The following DRAM1 variants were observed in gnomAD, a reference collection of about 807,000 sequenced individuals.
The protein encoded by DRAM1 is DNA damage-regulated autophagy modulator protein 1.
DRAM1 carries 25 observed loss-of-function variants against 28.5 expected under a neutral mutation model. The ratio of observed to expected loss-of-function variants is 0.88; its 90% CI spans 0.64 to 1.23. DRAM1 has a LOEUF of 1.23. Among genes scored for constraint, DRAM1 ranks in the 50% most tolerant of loss-of-function variants. The pLI is 0.00. For synonymous variants in DRAM1, 113 were observed against 114.2 expected, an observed-to-expected ratio of 0.99 and a Z score of 0.07; for missense variants, 249 against 299.2, an observed-to-expected ratio of 0.83 and a Z score of 1.24.
intron 1 of DRAM1, among the ~76,000 whole-genome samples, chr12:101,896,522 C>T (rs1007409735): frequency 2.6e-5 from 4 of 151,928 alleles, no homozygotes; most frequent in Admixed American, 6.6e-5. Context: ...CCAGCACTTT[C>T]GGAGGTTGAG....
intron 4 of DRAM1, among the ~76,000 whole-genome samples, chr12:101,913,705 C>CA (rs60536139): frequency 0.047 from 2,047 of 43,430 alleles, 7 homozygotes; most frequent in Non-Finnish European, 0.076. Context: ...GAGTACGTCT[C>CA]AAAAAAAAAA....
At chr12:101,884,004 A>T (rs6539014) in intron 1 of DRAM1, among the ~76,000 whole-genome samples, 2 of 151,458 alleles carry the variant, frequency 1.3e-5, no homozygotes, top group Non-Finnish European at 2.9e-5. Flanking sequence ...AACAAGTTAG[A>T]ATAGCATAAA....
In DRAM1 at chr12:101,899,958, A is replaced by G. The variant is rs541431363; in HGVS notation, c.200-1333A>G. ...TTTGCATATTTGTGTGAGTTTTTCTATAAGATAAATTTGCTGAGTTAAAGG... is the reference window on the plus strand; with the variant it reads ...TTTGCATATTTGTGTGAGTTTTTCTGTAAGATAAATTTGCTGAGTTAAAGG... On this transcript the variant is annotated intron_variant, in intron 2 of 6. Coordinates refer to ENST00000258534, the MANE Select transcript of DRAM1 (RefSeq NM_018370.3). Among the ~76,000 whole-genome samples the G allele has an allele frequency of 4.1e-4, 63 of 152,324 alleles. No individual in the cohort carries two copies. In the East Asian group the frequency reaches 0.011, roughly 27 times the overall value.
At chr12:101,909,741 A>C (rs1873970119) in intron 4 of DRAM1, among the ~76,000 whole-genome samples, 2 of 152,250 alleles carry the variant, frequency 1.3e-5, no homozygotes, top group African/African-American at 4.8e-5. Flanking sequence ...GCGTGCTTGT[A>C]GATTCTGATT....
At chr12:101,901,523 A>G in intron 3 of DRAM1, 90 bp downstream of exon 3, 1 of 1,425,000 alleles carries the variant, frequency 7.0e-7, no homozygotes, top group Non-Finnish European at 9.5e-7. Context: ...CACTTATGCC[A>G]TTATAGCCAT....
chr12:101,879,424 C>G (rs531504844), intron 1 of DRAM1, among the ~76,000 whole-genome samples: 2 of 152,148 alleles, frequency 1.3e-5, no homozygotes, highest in African/African-American at 2.4e-5. Flanking sequence ...TCTGGCCTTT[C>G]GGTTTTTTCC....
intron 1 of DRAM1, among the ~76,000 whole-genome samples, chr12:101,894,835 C>T (rs7975321): frequency 0.51 from 78,016 of 152,014 alleles, 20,527 homozygotes; most frequent in East Asian, 0.63. Context: ...TTCTTCCCAG[C>T]GCTTCTCCTC....
chr12:101,918,563 GC>G (rs1874344695), intron 5 of DRAM1, among the ~76,000 whole-genome samples: 1 of 152,216 alleles, frequency 6.6e-6, no homozygotes, highest in Non-Finnish European at 1.5e-5. Context: ...GGCTTGGTGT[GC>G]CTCCACTCGA....
At position 101,920,293 on chromosome 12, in the gene DRAM1, C is replaced by CTTTATTT. The variant is rs1874429934; in HGVS notation, c.672+95_672+96insATTTTTT. The CTTTATTT allele has an allele frequency of 4.6e-5, 12 of 262,328 alleles. No homozygotes were observed. The East Asian group carries it at 5.1e-4, about 11-fold the overall frequency. 16.3% of individuals were successfully genotyped at this position (262,328 alleles called of 1,614,324 possible). On this transcript the variant is annotated intron_variant, in intron 6 of 6. Coordinates refer to ENST00000258534, the MANE Select transcript of DRAM1 (RefSeq NM_018370.3). ...ACATTTTGCATTTTTAAAAAGAGCA[C>CTTTATTT]TTTCTTTTTTTTTTTTTTTTTTTGA...
chr12:101,914,163 A>C lies in DRAM1; in HGVS notation c.521-11A>C. ...TGTGCTGTAGTTTCCTTAACTGTTT[A>C]CTTCTTTCAGTGATTGTCTGTGCTT... On this transcript the variant is annotated splice_polypyrimidine_tract_variant and intron_variant, in intron 4 of 6. Coordinates refer to ENST00000258534, the MANE Select transcript of DRAM1 (RefSeq NM_018370.3). The C allele has an allele frequency of 6.3e-7, 1 of 1,598,182 alleles. No individual in the cohort carries two copies. Among genetic ancestry groups the C allele is most frequent in the Non-Finnish European group, 8.5e-7 (1 of 1,172,256 alleles).
chr12:101,902,418 A>T (rs973097502), intron 3 of DRAM1, among the ~76,000 whole-genome samples: 2 of 152,338 alleles, frequency 1.3e-5, no homozygotes, highest in Admixed American at 1.3e-4. Flanking sequence ...CTCAATGCTA[A>T]CATGAAGATA....
intron 4 of DRAM1, among the ~76,000 whole-genome samples, chr12:101,913,309 G>A (rs1161843568): frequency 6.6e-6 from 1 of 152,104 alleles, no homozygotes; most frequent in East Asian, 1.9e-4. Flanking sequence ...CCCAACAGAA[G>A]TCTGTTTTTT....
chr12:101,902,142 A>C (rs1356333230), intron 3 of DRAM1, among the ~76,000 whole-genome samples: 1 of 152,146 alleles, frequency 6.6e-6, no homozygotes, highest in Non-Finnish European at 1.5e-5. Context: ...ATTTCTTTAT[A>C]TTTTTATGAC....
At chr12:101,911,254 A>T (rs1028887536) in intron 4 of DRAM1, among the ~76,000 whole-genome samples, 2 of 152,170 alleles carry the variant, frequency 1.3e-5, no homozygotes, top group Non-Finnish European at 2.9e-5. Flanking sequence ...AGTTGAAAGC[A>T]TCTTTAAAAT....
intron 1 of DRAM1, among the ~76,000 whole-genome samples, chr12:101,893,917 T>TTC (rs1873241719): frequency 6.6e-6 from 1 of 150,630 alleles, no homozygotes; most frequent in Admixed American, 6.6e-5. Flanking sequence ...CCTGTATGTT[T>TTC]TTTTTTAAAA....
rs1370171138 is a variant in DRAM1 at position 101,921,237 on chromosome 12, A to G, written c.694A>G (p.Thr232Ala). 6.2e-7 allele frequency: 1 copy of G among 1,607,480 alleles called. No individual in the cohort carries two copies. Among genetic ancestry groups the G allele is most frequent in the Admixed American group, 1.7e-5 (1 of 60,002 alleles). Reference sequence around the variant, plus strand: ...ATAGAGTGTCACCCTAAGGATATCCACAGAAATCAATGGTGATATTTGAAG... The same window carrying G: ...ATAGAGTGTCACCCTAAGGATATCCGCAGAAATCAATGGTGATATTTGAAG... ...DFQSVTLRIS[T>A]EINGDI Residue 232 changes from threonine to alanine, a missense_variant, in exon 7 of 7, where the codon ACA (threonine) becomes GCA (alanine). This residue lies in a region of DRAM1 where 16 missense variants were observed against 16.2 expected (regional missense o/e 0.99). Transcript: ENST00000258534.
intron 1 of DRAM1, among the ~76,000 whole-genome samples, chr12:101,881,803 GTCTTA>G (rs1467699571): frequency 6.6e-6 from 1 of 152,056 alleles, no homozygotes; most frequent in African/African-American, 2.4e-5. Context: ...TCCATATCCA[GTCTTA>G]TTATTCACCA....
chr12:101,909,097 A>C (rs1159547293), intron 4 of DRAM1, among the ~76,000 whole-genome samples: 1 of 152,006 alleles, frequency 6.6e-6, no homozygotes, highest in Non-Finnish European at 1.5e-5. Flanking sequence ...CCCTGTCTTT[A>C]CTAAAAATAC....
At chr12:101,896,627 C>T (rs552806444) in intron 1 of DRAM1, among the ~76,000 whole-genome samples, 27 of 152,130 alleles carry the variant, frequency 1.8e-4, no homozygotes, top group Non-Finnish European at 3.1e-4. Flanking sequence ...ACATGTCAAA[C>T]AGTATTTTCC....
Sources: allele counts gnomAD v4.1 joint callset (sites outside exome capture counted in the v4.1 genomes callset), GRCh38; gene constraint gnomAD v4.1.1; regional missense constraint gnomAD v4.1.1; transcripts MANE v1.5; gene names NCBI Gene and HGNC (gene_info 2026-07-23, HGNC 2026-07-21).